RP1: variants seen among roughly 807,000 people sequenced by gnomAD.
The protein encoded by RP1 is oxygen-regulated protein 1.
RP1 carries 16 observed loss-of-function variants against 14.8 expected under a neutral mutation model. The observed-to-expected ratio is 1.08, with a 90% CI of 0.73 to 1.65. The LOEUF (loss-of-function observed/expected upper bound fraction) is 1.65, where lower values mean the gene tolerates loss of function less well. RP1 is among the 40% of genes most tolerant of loss of function. The pLI is 0.00. For missense variants in RP1, 2,631 were observed against 2,535.0 expected (o/e 1.04, Z -0.81); for synonymous variants, 876 against 883.6 (o/e 0.99, Z 0.15).
intron 1 of RP1, among the ~76,000 whole-genome samples, chr8:54,576,857 C>T (rs977741534): frequency 6.6e-6 from 1 of 152,102 alleles, no homozygotes; most frequent in Non-Finnish European, 1.5e-5. Context: ...TAGGTGTGGA[C>T]GGTGCTTTCT....
At position 54,734,162 on chromosome 8, in the gene RP1, T is replaced by C. The variant is rs181951226; in HGVS notation, c.2522-383T>C. Among the ~76,000 whole-genome samples the C allele has an allele frequency of 6.5e-4, 99 of 152,278 alleles. 1 individual carries two copies. The highest frequency in any genetic ancestry group is 2.3e-3 in the African/African-American group (97 of 41,558). On this transcript the variant is annotated intron_variant, in intron 17 of 22. Transcript: ENST00000636932. Reference sequence around the variant, plus strand: ...TGTGAAAACATGTTTTAATTCCCCTTTTTTGTTACTTTATATGGTGGTAGT... The same window carrying C: ...TGTGAAAACATGTTTTAATTCCCCTCTTTTGTTACTTTATATGGTGGTAGT...
In RP1 at chr8:54,621,362, C is replaced by T. The variant is rs780873898; in HGVS notation, c.396C>T (p.Ala132=). 1 of 1,612,144 alleles carries T rather than the reference C, an allele frequency of 6.2e-7. No homozygotes were observed. Among genetic ancestry groups the T allele is most frequent in the Non-Finnish European group, 8.5e-7 (1 of 1,179,328 alleles). ...RRPRPWLSSR[A]ISAHSPPHPV... ...CGCGGCCCTGGCTCAGCAGCCGGGC[C>T]ATTAGCGCGCACTCACCGCCCCACC... The change falls in exon 2 of 4, where the codon GCC becomes GCT. Residue 132 remains alanine (A), a synonymous_variant. Coordinates refer to ENST00000220676, the MANE Select transcript of RP1 (RefSeq NM_006269.2).
At chr8:54,631,243 C>G (rs574268298), downstream of RP1, among the ~76,000 whole-genome samples, 24 of 152,170 alleles carry the variant, frequency 1.6e-4, no homozygotes, top group South Asian at 5.0e-3. Flanking sequence ...TGAATTGCTA[C>G]TTCATCAGCT....
At chr8:54,657,181 TTATCAC>T (rs1806773444) in intron 6 of RP1, among the ~76,000 whole-genome samples, 1 of 152,208 alleles carries the variant, frequency 6.6e-6, no homozygotes, top group Non-Finnish European at 1.5e-5. Flanking sequence ...AGAAGCATTG[TTATCAC>T]TATTCTTCCT....
intron 1 of RP1, among the ~76,000 whole-genome samples, chr8:54,566,285 T>C (rs1029233579): frequency 2.6e-5 from 4 of 152,086 alleles, no homozygotes; most frequent in Admixed American, 2.6e-4. Flanking sequence ...CCAAACTTAA[T>C]CAGTGTCGTC....
intron 24 of RP1, among the ~76,000 whole-genome samples, chr8:54,824,133 GTTT>G (rs71254594): frequency 9.5e-4 from 142 of 149,330 alleles, no homozygotes; most frequent in African/African-American, 3.4e-3. Flanking sequence ...TTGTTTGTGT[GTTT>G]TTTTTTTAAT....
chr8:54,812,248 C>T (rs1236816511), intron 24 of RP1, among the ~76,000 whole-genome samples: 3 of 152,310 alleles, frequency 2.0e-5, no homozygotes, highest in East Asian at 3.9e-4. Flanking sequence ...TCAAGCGATT[C>T]TTGTGCCTCA....
intron 1 of RP1, among the ~76,000 whole-genome samples, chr8:54,601,609 AAAAG>A (rs1805296491): frequency 1.3e-5 from 2 of 151,902 alleles, no homozygotes; most frequent in African/African-American, 2.4e-5. Context: ...AAAAAAAAAA[AAAAG>A]AAAGAAGCGA....
chr8:54,621,378 C>T lies in RP1; in HGVS notation c.412C>T (p.Pro138Ser). 1 of 1,612,842 alleles carries T rather than the reference C, an allele frequency of 6.2e-7. No individual in the cohort carries two copies. The highest frequency in any genetic ancestry group is 8.5e-7 in the Non-Finnish European group (1 of 1,179,854). ...CAGCCGGGCCATTAGCGCGCACTCA[C>T]CGCCCCACCCCGTAGCCGTCGCTGC... ...LSSRAISAHS[P>S]PHPVAVAAPG... Residue 138 changes from proline (P) to serine (S), a missense_variant, in exon 2 of 4, where the codon CCG becomes TCG. By Grantham distance (74) the Pro-to-Ser change is moderately conservative. Transcript: ENST00000220676.
chr8:54,563,438 A>G (rs1285823238), intron 1 of RP1, among the ~76,000 whole-genome samples: 1 of 152,234 alleles, frequency 6.6e-6, no homozygotes, highest in East Asian at 1.9e-4. Flanking sequence ...TGTGATGTAG[A>G]TAAAATATCT....
intron 24 of RP1, among the ~76,000 whole-genome samples, chr8:54,787,272 A>T (rs1333565553): frequency 1.3e-5 from 2 of 152,172 alleles, no homozygotes; most frequent in African/African-American, 4.8e-5. Flanking sequence ...TACGGCAGAA[A>T]GTTGGAGAGA....
downstream of RP1, chr8:54,770,229 A>G: frequency 2.5e-6 from 1 of 399,556 alleles, no homozygotes; most frequent in Non-Finnish European, 4.4e-6. Context: ...CTGTTTCAAG[A>G]TTACCAGCCT....
At chr8:54,837,636 C>T (rs1229658526) in exon 25 of RP1, 1 of 1,231,754 alleles carries the variant, frequency 8.1e-7, no homozygotes, top group African/African-American at 1.6e-5. Context: ...GAAGGAAATA[C>T]CCATCATGGG....
At chr8:54,774,099 C>T (rs1809976324), downstream of RP1, among the ~76,000 whole-genome samples, 1 of 152,128 alleles carries the variant, frequency 6.6e-6, no homozygotes, top group African/African-American at 2.4e-5. Flanking sequence ...CATTCTGAGT[C>T]AACTATAGAT....
chr8:54,866,055 C>G, intron 28 of RP1: 1 of 395,742 alleles, frequency 2.5e-6, no homozygotes. Context: ...GGCCTTCTCT[C>G]CTCAAGAAGC....
intron 3 of RP1, chr8:54,648,959 G>T: frequency 6.8e-7 from 1 of 1,470,310 alleles, no homozygotes; most frequent in African/African-American, 1.4e-5. Flanking sequence ...TTGCCATAAT[G>T]CTGTATGTTA....
At chr8:54,651,794 T>C (rs951694058) in intron 4 of RP1, among the ~76,000 whole-genome samples, 3 of 152,232 alleles carry the variant, frequency 2.0e-5, no homozygotes, top group East Asian at 1.9e-4. Flanking sequence ...TGCCTTTCTT[T>C]TTCTAGTTCC....
intron 1 of RP1, among the ~76,000 whole-genome samples, chr8:54,605,437 C>T (rs1389714890): frequency 1.3e-5 from 2 of 152,122 alleles, no homozygotes; most frequent in Non-Finnish European, 2.9e-5. Flanking sequence ...TTTACATTTG[C>T]TGAGAAGTGC....
Position 54,627,401 on chromosome 8 carries a change from A to G in RP1, c.3519A>G (p.Thr1173=), listed in dbSNP as rs780993548. ...AGATTCTAAAGCACATAGCTATCAC[A>G]GAGGAAGCTGATGACTTGAAAGCTG... ...LLEILKHIAI[T]EEADDLKAAV... The change falls in exon 4 of 4, where the codon ACA becomes ACG. Residue 1173 remains threonine, a synonymous_variant. Transcript: ENST00000220676. 6.8e-6 allele frequency: 11 copies of G among 1,614,084 alleles called. No homozygotes were observed. Among genetic ancestry groups the G allele is most frequent in the Middle Eastern group, 1.6e-4 (1 of 6,084 alleles).
Sources: gnomAD v4.1 joint callset for allele counts (sites outside exome capture counted in the v4.1 genomes callset) on GRCh38, gnomAD v4.1.1 for gene constraint, MANE v1.5 for transcripts, NCBI Gene and HGNC (gene_info 2026-07-23, HGNC 2026-07-21) for gene names.